EYA1: variants seen among roughly 807,000 people sequenced by gnomAD.
EYA1 encodes protein phosphatase EYA1.
A neutral mutation model predicts 82.0 loss-of-function variants in EYA1; 16 were observed. That is an observed-to-expected ratio of 0.20 (90% CI 0.13 to 0.30). EYA1 has a LOEUF of 0.30. EYA1 is among the 10% of genes least tolerant of loss of function. EYA1 has a pLI of 1.00. For missense variants in EYA1, 633 were observed against 730.7 expected, an observed-to-expected ratio of 0.87 and a Z score of 1.54; for synonymous variants, 261 against 264.4, an observed-to-expected ratio of 0.99 and a Z score of 0.12.
At chr8:71,224,814 C>T (rs1436687285) in intron 12 of EYA1, among the ~76,000 whole-genome samples, 1 of 152,186 alleles carries the variant, frequency 6.6e-6, no homozygotes, top group Non-Finnish European at 1.5e-5. Flanking sequence ...AGGGAATGCT[C>T]TCCATGGTGG....
chr8:71,250,356 G>A (rs1236198266), intron 11 of EYA1, among the ~76,000 whole-genome samples: 1 of 152,158 alleles, frequency 6.6e-6, no homozygotes, highest in African/African-American at 2.4e-5. Flanking sequence ...GATGGAGCCT[G>A]TACACTCACA....
chr8:71,199,495 T>C, intron 17 of EYA1, 75 bp from the exon 18 acceptor site: 1 of 917,326 alleles, frequency 1.1e-6, no homozygotes, highest in Non-Finnish European at 1.7e-6. Context: ...GGAAATCCAC[T>C]CCCATGCTGA....
rs533816965 is a variant in EYA1, at chr8:71,449,877, A to C, written c.33+85867T>G. Among the ~76,000 whole-genome samples the C allele has an allele frequency of 2.6e-5, 4 of 152,362 alleles. No individual in the cohort carries two copies. In the South Asian group the frequency reaches 8.3e-4, roughly 32 times the overall value. Reference sequence around the variant, plus strand: ...TGGAAACTTGCTGCAGAAGTTCTGGAAACTTACTGCATCTTCTGCTGAGTG... The same window carrying C: ...TGGAAACTTGCTGCAGAAGTTCTGGCAACTTACTGCATCTTCTGCTGAGTG... On this transcript the variant is annotated intron_variant, in intron 2 of 18. Transcript: ENST00000643681.
intron 2 of EYA1, among the ~76,000 whole-genome samples, chr8:71,424,426 G>C (rs1435247941): frequency 6.6e-6 from 1 of 152,190 alleles, no homozygotes; most frequent in African/African-American, 2.4e-5. Flanking sequence ...ATCCCAAAAT[G>C]CTTTGCTTAA....
At chr8:71,221,588 A>G (rs2128865810) in intron 12 of EYA1, among the ~76,000 whole-genome samples, 1 of 152,306 alleles carries the variant, frequency 6.6e-6, no homozygotes, top group Non-Finnish European at 1.5e-5. Context: ...CTATTTAGCC[A>G]ATTTTCACAT....
rs1265647431 is a variant in EYA1, at chr8:71,198,207, T to A, written c.*1133A>T. 1 of 152,652 alleles carries A rather than the reference T, an allele frequency of 6.6e-6. No homozygotes were observed. The highest frequency in any genetic ancestry group is 2.4e-5 in the African/African-American group (1 of 41,458). 9.5% of individuals were successfully genotyped at this position (152,652 alleles called of 1,614,324 possible). A position where few individuals can be genotyped will look rare whatever the true frequency, so the allele number is the denominator to read the frequency against. ...TATATCTACTATCATCTATATTCTT[T>A]GTGGGAAGAAGCATTTGAATAATTA... On this transcript the variant is annotated 3_prime_UTR_variant, in exon 18 of 18. Transcript: ENST00000340726.
At chr8:71,263,823 G>T (rs570523512) in intron 11 of EYA1, among the ~76,000 whole-genome samples, 46 of 152,286 alleles carry the variant, frequency 3.0e-4, no homozygotes, top group African/African-American at 1.1e-3. Context: ...GACAGAAGCA[G>T]ACCATAAACC....
intron 2 of EYA1, among the ~76,000 whole-genome samples, chr8:71,398,843 G>A (rs1586633045): frequency 6.6e-6 from 1 of 152,212 alleles, no homozygotes; most frequent in African/African-American, 2.4e-5. Flanking sequence ...AGACATTTAA[G>A]TCTGCAGAGG....
intron 3 of EYA1, among the ~76,000 whole-genome samples, chr8:71,346,146 T>TGAAG (rs1825680013): frequency 6.6e-6 from 1 of 152,128 alleles, no homozygotes; most frequent in Admixed American, 6.5e-5. Flanking sequence ...GGACTCAGGT[T>TGAAG]AAGCATCACC....
At chr8:71,446,318 G>T (rs933071133) in intron 2 of EYA1, among the ~76,000 whole-genome samples, 1 of 152,094 alleles carries the variant, frequency 6.6e-6, no homozygotes, top group Non-Finnish European at 1.5e-5. Flanking sequence ...GTGAGTGAGT[G>T]CTCATGAGAC....
At chr8:71,242,897 C>G (rs867608616) in intron 12 of EYA1, among the ~76,000 whole-genome samples, 2 of 151,630 alleles carry the variant, frequency 1.3e-5, no homozygotes, top group African/African-American at 4.9e-5. Flanking sequence ...CCTGCCTCAG[C>G]CCCCTGAGTA....
chr8:71,547,232 T>A (rs886259567), intron 1 of EYA1, among the ~76,000 whole-genome samples: 1 of 152,240 alleles, frequency 6.6e-6, no homozygotes, highest in Admixed American at 6.5e-5. Context: ...CTGCCTGGGC[T>A]GCCCTCCAGA....
intron 2 of EYA1, among the ~76,000 whole-genome samples, chr8:71,417,311 T>C (rs1830906274): frequency 6.6e-6 from 1 of 152,176 alleles, no homozygotes; most frequent in African/African-American, 2.4e-5. Flanking sequence ...GTTAGCCCAG[T>C]AGTCCACAAC....
intron 9 of EYA1, among the ~76,000 whole-genome samples, chr8:71,290,561 A>G (rs1818885362): frequency 1.3e-5 from 2 of 152,168 alleles, no homozygotes; most frequent in African/African-American, 2.4e-5. Flanking sequence ...GTGTACTAAA[A>G]CTGACTCTAT....
chr8:71,534,852 T>C (rs1814585508), intron 2 of EYA1, among the ~76,000 whole-genome samples: 1 of 148,494 alleles, frequency 6.7e-6, no homozygotes, highest in South Asian at 2.1e-4. Context: ...GTTCTGCACA[T>C]GTATCCCAGA....
intron 2 of EYA1, among the ~76,000 whole-genome samples, chr8:71,464,818 G>A (rs575045953): frequency 6.6e-6 from 1 of 152,158 alleles, no homozygotes; most frequent in Admixed American, 6.5e-5. Context: ...TACAAGCCTT[G>A]CATTTAAATT....
rs565060742 is a variant in EYA1 at position 71,361,927 on chromosome 8, G to T, written c.-335C>A. On this transcript the variant is annotated 5_prime_UTR_variant, in exon 1 of 18. Coordinates refer to ENST00000340726, the MANE Select transcript of EYA1 (RefSeq NM_000503.6). ...AACCCGCCACAGTGGACGGCAACAG[G>T]AAGGCTTAAAGTCGGAAGTGGCACT... 7.1e-6 allele frequency: 7 copies of T among 985,466 alleles called. No homozygotes were observed. Among genetic ancestry groups the T allele is most frequent in the East Asian group, 1.1e-4 (1 of 8,794 alleles). The allele number at this position is 985,466 out of a possible 1,614,324, so 61.0% of individuals were successfully genotyped here.
chr8:71,248,962 A>G (rs1202530200), intron 11 of EYA1, among the ~76,000 whole-genome samples: 1 of 152,256 alleles, frequency 6.6e-6, no homozygotes, highest in African/African-American at 2.4e-5. Context: ...TTTTTATAAT[A>G]CATAATTTTC....
intron 2 of EYA1, chr8:71,403,406 G>C (rs1331748983): frequency 6.6e-6 from 1 of 152,188 alleles, no homozygotes; most frequent in Non-Finnish European, 1.5e-5. Flanking sequence ...AATTCACATA[G>C]GATGCTGGTG....
Sources: gnomAD v4.1 joint callset for allele counts (sites outside exome capture counted in the v4.1 genomes callset) on GRCh38, gnomAD v4.1.1 for gene constraint, MANE v1.5 for transcripts, NCBI Gene and HGNC (gene_info 2026-07-23, HGNC 2026-07-21) for gene names.